GSG1L2: variants seen among roughly 807,000 people sequenced by gnomAD.
GSG1L2 encodes the protein germ cell-specific gene 1-like protein 2.
In GSG1L2, 15 loss-of-function variants were observed where a neutral mutation model predicts 9.0. That is an observed-to-expected ratio of 1.67 (90% confidence interval 1.12 to 2.57). The LOEUF (loss-of-function observed/expected upper bound fraction) is 2.57, where lower values mean the gene tolerates loss of function less well. GSG1L2 is among the 30% of genes most tolerant of loss of function. GSG1L2 has a pLI of 0.00. For synonymous variants in GSG1L2, 127 were observed against 57.9 expected, an observed-to-expected ratio of 2.19 and a Z score of -5.41; for missense variants, 286 against 150.3, an observed-to-expected ratio of 1.90 and a Z score of -4.72.
intron 1 of GSG1L2, among the ~76,000 whole-genome samples, chr17:9,817,241 A>C (rs2066571397): frequency 6.6e-6 from 1 of 152,120 alleles, no homozygotes; most frequent in Non-Finnish European, 1.5e-5. Flanking sequence ...CTGCCGGAAT[A>C]TCCAGTTCCA....
chr17:9,802,999 C>A (rs1393598675), intron 4 of GSG1L2, among the ~76,000 whole-genome samples: 2 of 151,752 alleles, frequency 1.3e-5, no homozygotes, highest in African/African-American at 4.8e-5. Context: ...TGAGTGAATG[C>A]GTGGGAAGTA....
intron 1 of GSG1L2, among the ~76,000 whole-genome samples, chr17:9,816,896 C>CTG (rs201299125): frequency 0.42 from 56,436 of 134,546 alleles, 12,505 homozygotes; most frequent in East Asian, 0.85. Context: ...GTGTGTGTAT[C>CTG]TGTGTGTGTG....
At chr17:9,812,683 G>A (rs1017701769) in intron 1 of GSG1L2, among the ~76,000 whole-genome samples, 3 of 152,178 alleles carry the variant, frequency 2.0e-5, no homozygotes, top group East Asian at 1.9e-4. Context: ...GGAGTGCAGT[G>A]GATCATGGCT....
chr17:9,809,186 C>A (rs960839746), intron 2 of GSG1L2: 9 of 505,004 alleles, frequency 1.8e-5, no homozygotes, highest in Admixed American at 6.4e-5. Flanking sequence ...AGGGATTGCC[C>A]GTAGCTGAAC....
intron 1 of GSG1L2, among the ~76,000 whole-genome samples, chr17:9,813,663 G>A (rs1039666710): frequency 1.3e-5 from 2 of 152,162 alleles, no homozygotes; most frequent in Admixed American, 6.5e-5. Context: ...GAGAACTCGG[G>A]GGCTGATGCA....
rs1262862475 is a variant in GSG1L2, at chr17:9,808,926, T to C, written c.415A>G (p.Ser139Gly). 10 of 702,834 alleles carry C rather than the reference T, an allele frequency of 1.4e-5. No homozygotes were observed. Among genetic ancestry groups the C allele is most frequent in the Non-Finnish European group, 2.3e-5 (9 of 385,020 alleles). The allele number at this position is 702,834 out of a possible 1,614,324, so 43.5% of individuals were successfully genotyped here. A position where few individuals can be genotyped will look rare whatever the true frequency, so the allele number is the denominator to read the frequency against. ...EVLDIVLILT[S>G]AILLGSRVSC... is the part of the protein sequence containing the mutation. ...ACTCTGGAGCCCAGGAGGATGGCGC[T>C]TGTCAGTATCAGAACGATATCCAGG... The change falls in exon 3 of 5, where the codon AGC becomes GGC. Residue 139 changes from serine (S) to glycine (G), a missense_variant. Transcript: ENST00000399363.
intron 1 of GSG1L2, among the ~76,000 whole-genome samples, chr17:9,813,397 G>T (rs552266361): frequency 6.6e-6 from 1 of 152,300 alleles, no homozygotes; most frequent in South Asian, 2.1e-4. Flanking sequence ...ATCTCAGAGG[G>T]CCCGAAGGAG....
At position 9,821,883 on chromosome 17, in the gene GSG1L2, G is replaced by A. The variant is rs1199714221; in HGVS notation, c.189C>T (p.Gly63=). Residue 63 remains glycine (G), a synonymous_variant, in exon 1 of 5, where the codon GGC becomes GGT. Coordinates refer to ENST00000399363, the MANE Select transcript of GSG1L2 (RefSeq NM_001310219.2). ...IHFKRDNSSN[G]RMDNNSQAVL... ...CAGCCTGGCTATTGTTGTCCATCCT[G>A]CCATTGCTGCTGTTGTCCCGTTTGA... 1.4e-6 allele frequency: 1 copy of A among 703,224 alleles called. No individual in the cohort carries two copies. The highest frequency in any genetic ancestry group is 2.6e-6 in the Non-Finnish European group (1 of 385,074). 43.6% of individuals were successfully genotyped at this position (703,224 alleles called of 1,614,324 possible). A position where few individuals can be genotyped will look rare whatever the true frequency, so the allele number is the denominator to read the frequency against.
chr17:9,808,478 C>A (rs775888537), intron 3 of GSG1L2, among the ~76,000 whole-genome samples: 1 of 152,130 alleles, frequency 6.6e-6, no homozygotes, highest in Non-Finnish European at 1.5e-5. Flanking sequence ...AGGTCATACA[C>A]CCATTAAGGA....
rs1206684260 is a variant in GSG1L2 at position 9,807,478 on chromosome 17, C to G, written c.623+12G>C. 1 of 702,734 alleles carries G rather than the reference C, an allele frequency of 1.4e-6. No individual in the cohort carries two copies. The highest frequency in any genetic ancestry group is 1.5e-5 in the South Asian group (1 of 67,576). The allele number at this position is 702,734 out of a possible 1,614,324, so 43.5% of individuals were successfully genotyped here. A position where few individuals can be genotyped will look rare whatever the true frequency, so the allele number is the denominator to read the frequency against. On this transcript the variant is annotated intron_variant, in intron 4 of 4. Transcript: ENST00000399363. ...TCCTCCAGGACTTCAGCACCATGAC[C>G]AAGCAACTTACCAATATGACCAGCC...
intron 1 of GSG1L2, among the ~76,000 whole-genome samples, chr17:9,819,941 TGGCC>T (rs2066582501): frequency 6.6e-6 from 1 of 151,168 alleles, no homozygotes; most frequent in African/African-American, 2.4e-5. Flanking sequence ...AAAAAAATTT[TGGCC>T]AGGCACAGTG....
intron 2 of GSG1L2, 25 bp from the exon 3 acceptor site, chr17:9,809,007 ACGCTG>A (rs2066527584): frequency 2.8e-6 from 2 of 702,108 alleles, no homozygotes; most frequent in Admixed American, 2.0e-5. Flanking sequence ...GATGTTGGAA[ACGCTG>A]GACACTTCTA....
In GSG1L2 at chr17:9,807,502, C is replaced by T. The variant is rs1471670934; in HGVS notation, c.611G>A (p.Gly204Asp). The T allele has an allele frequency of 1.4e-6, 1 of 702,810 alleles. No individual in the cohort carries two copies. Among genetic ancestry groups the T allele is most frequent in the South Asian group, 1.5e-5 (1 of 67,596 alleles). The allele number at this position is 702,810 out of a possible 1,614,324, so 43.5% of individuals were successfully genotyped here. A position where few individuals can be genotyped will look rare whatever the true frequency, so the allele number is the denominator to read the frequency against. ...EDWKPQTWDY[G>D]WSYCLAWGSF... ...CCAAGCAACTTACCAATATGACCAG[C>T]CATAGTCCCAGGTCTGAGGCTTCCA... is the stretch of plus-strand genomic sequence containing the variant. Residue 204 changes from glycine to aspartate, a missense_variant, in exon 4 of 5, where the codon GGC becomes GAC. Transcript: ENST00000399363.
chr17:9,812,771 C>T (rs1474010485), intron 1 of GSG1L2, among the ~76,000 whole-genome samples: 2 of 152,162 alleles, frequency 1.3e-5, no homozygotes, highest in Non-Finnish European at 2.9e-5. Flanking sequence ...GAGGCGCACG[C>T]CACCACACCT....
At chr17:9,814,547 T>A (rs2066551977) in intron 1 of GSG1L2, among the ~76,000 whole-genome samples, 1 of 152,184 alleles carries the variant, frequency 6.6e-6, no homozygotes. Flanking sequence ...GAATTCAGAA[T>A]AGCTTAGACG....
intron 1 of GSG1L2, chr17:9,811,015 G>C (rs966007645): frequency 1.5e-5 from 3 of 194,428 alleles, no homozygotes; most frequent in African/African-American, 2.3e-5. Flanking sequence ...TACAGAATGA[G>C]CTAAAAATAA....
At chr17:9,810,853 T>A in intron 1 of GSG1L2, 1 of 556,782 alleles carries the variant, frequency 1.8e-6, no homozygotes, top group South Asian at 2.3e-5. Context: ...ATGAGGTGGA[T>A]CTGAGCAGCT....
rs2066585594 is a variant in GSG1L2, at chr17:9,820,668, T to G, written c.310+1094A>C. ...CAGCACCTCTGAGTGTTCCTTTTTT[T>G]TTTTTTTTAATTTGAGACAGGTCTC... On this transcript the variant is annotated intron_variant, in intron 1 of 4. Transcript: ENST00000399363. The surrounding 1 kb of genome is among the most constrained non-coding windows in gnomAD (Gnocchi z 4.9). 6.6e-6 allele frequency among the ~76,000 whole-genome samples: 1 copy of G among 151,790 alleles called. No homozygotes were observed. The highest frequency in any genetic ancestry group is 2.4e-5 in the African/African-American group (1 of 41,332).
rs574395134 is a variant in GSG1L2 at position 9,809,206 on chromosome 17, G to A, written c.359-224C>T. The A allele has an allele frequency of 4.6e-5, 24 of 527,048 alleles. No individual in the cohort carries two copies. The East Asian group carries it at 8.1e-4, about 18-fold the overall frequency. 32.6% of individuals were successfully genotyped at this position (527,048 alleles called of 1,614,324 possible). On this transcript the variant is annotated intron_variant, in intron 2 of 4. Coordinates refer to ENST00000399363, the MANE Select transcript of GSG1L2 (RefSeq NM_001310219.2). ...TTGCCCGTAGCTGAACGGGCGGTGG[G>A]GTGGGGGCGGGGAAACTAAGCAAAA...
Sources: gnomAD v4.1 joint callset for allele counts (sites outside exome capture counted in the v4.1 genomes callset) on GRCh38, gnomAD v4.1.1 for gene constraint, Gnocchi (gnomAD v3.1) non-coding constraint, MANE v1.5 for transcripts, NCBI Gene and HGNC (gene_info 2026-07-23, HGNC 2026-07-21) for gene names.